PPP3CA: variants seen among roughly 807,000 people sequenced by gnomAD.
The protein encoded by PPP3CA is protein phosphatase 3 catalytic subunit alpha.
In PPP3CA, 14 loss-of-function variants were observed where a neutral mutation model predicts 66.5. The ratio of observed to expected loss-of-function variants is 0.21; its 90% confidence interval spans 0.14 to 0.33. PPP3CA has a LOEUF of 0.33. Ranked by LOEUF, PPP3CA falls within the 10% of genes least tolerant of loss-of-function variation. The probability of loss-of-function intolerance (pLI) is 1.00; values close to 1 mark genes in which losing one functional copy is unlikely to be tolerated. For missense variants in PPP3CA, 317 were observed against 639.5 expected (o/e 0.50, Z 5.44); for synonymous variants, 232 against 226.2 (o/e 1.03, Z -0.23).
chr4:101,054,032 C>A (rs1039615533), intron 10 of PPP3CA, among the ~76,000 whole-genome samples: 10 of 152,004 alleles, frequency 6.6e-5, no homozygotes, highest in African/African-American at 2.4e-4. Flanking sequence ...GACTTACTAA[C>A]TTTAGGTTAG....
chr4:101,269,473 G>C (rs1727265835), intron 1 of PPP3CA, among the ~76,000 whole-genome samples: 1 of 148,130 alleles, frequency 6.8e-6, no homozygotes. Flanking sequence ...ACCCATCCAT[G>C]AAAATGGGGA....
At chr4:101,324,186 A>G (rs1169288124) in intron 1 of PPP3CA, among the ~76,000 whole-genome samples, 3 of 138,028 alleles carry the variant, frequency 2.2e-5, no homozygotes, top group African/African-American at 8.0e-5. Flanking sequence ...GGAAGGAAGG[A>G]AGGAAGGAAG....
intron 1 of PPP3CA, among the ~76,000 whole-genome samples, chr4:101,253,219 C>G (rs187243668): frequency 9.4e-4 from 143 of 152,292 alleles, no homozygotes; most frequent in Non-Finnish European, 1.7e-3. Context: ...AATGGCACAG[C>G]TTCCCTGATC....
intron 2 of PPP3CA, among the ~76,000 whole-genome samples, chr4:101,116,519 T>C (rs1390355052): frequency 2.0e-5 from 3 of 151,822 alleles, no homozygotes; most frequent in Non-Finnish European, 4.4e-5. Context: ...ATACTACAAG[T>C]ATATATCTGC....
At chr4:101,326,692 GACAAC>G (rs1328071009) in intron 1 of PPP3CA, among the ~76,000 whole-genome samples, 6 of 152,232 alleles carry the variant, frequency 3.9e-5, no homozygotes, top group Admixed American at 2.6e-4. Context: ...TTTCTTGCAT[GACAAC>G]ACAAATCAAC....
chr4:101,138,886 T>C (rs1353662194), intron 2 of PPP3CA, among the ~76,000 whole-genome samples: 1 of 152,204 alleles, frequency 6.6e-6, no homozygotes, highest in East Asian at 1.9e-4. Flanking sequence ...AATAATTTTA[T>C]AATATGACAA....
chr4:101,067,837 AAT>A (rs962910590), intron 8 of PPP3CA, among the ~76,000 whole-genome samples: 2 of 150,126 alleles, frequency 1.3e-5, no homozygotes, highest in Non-Finnish European at 3.0e-5. Context: ...TAATAATAAT[AAT>A]AAAAAGCTTC....
chr4:101,330,883 C>T (rs1241310724), intron 1 of PPP3CA, among the ~76,000 whole-genome samples: 1 of 151,766 alleles, frequency 6.6e-6, no homozygotes, highest in Non-Finnish European at 1.5e-5. Context: ...TGTTTTGGAT[C>T]GTTTGTGTTA....
intron 2 of PPP3CA, among the ~76,000 whole-genome samples, chr4:101,139,834 G>A (rs1168873350): frequency 6.6e-6 from 1 of 151,770 alleles, no homozygotes; most frequent in African/African-American, 2.4e-5. Context: ...TTGGCTTGGG[G>A]TGTAAATCCA....
intron 1 of PPP3CA, among the ~76,000 whole-genome samples, chr4:101,333,108 T>C (rs1463013208): frequency 1.4e-5 from 2 of 145,348 alleles, no homozygotes; most frequent in Non-Finnish European, 3.0e-5. Flanking sequence ...TCTTTCTTTT[T>C]TTTTTTTTTT....
intron 1 of PPP3CA, among the ~76,000 whole-genome samples, chr4:101,245,747 C>T (rs919623260): frequency 6.6e-6 from 1 of 151,970 alleles, no homozygotes; most frequent in African/African-American, 2.4e-5. Context: ...ATACAGACGG[C>T]CCATCAGGTA....
chr4:101,179,098 T>C (rs914558697), intron 2 of PPP3CA, among the ~76,000 whole-genome samples: 1 of 152,100 alleles, frequency 6.6e-6, no homozygotes, highest in Non-Finnish European at 1.5e-5. Flanking sequence ...AATTTTCTTC[T>C]CTTTCTTGAA....
At chr4:101,231,090 C>T (rs968836905) in intron 1 of PPP3CA, among the ~76,000 whole-genome samples, 2 of 151,676 alleles carry the variant, frequency 1.3e-5, no homozygotes, top group Admixed American at 6.6e-5. Context: ...CAACTACCTC[C>T]TTCAGAATGC....
At chr4:101,115,821 A>G (rs1293930489) in intron 2 of PPP3CA, among the ~76,000 whole-genome samples, 3 of 152,006 alleles carry the variant, frequency 2.0e-5, no homozygotes, top group Non-Finnish European at 4.4e-5. Flanking sequence ...TCCGTTAAAG[A>G]ACATCATTGG....
At position 101,162,755 on chromosome 4, in the gene PPP3CA, A is replaced by G. The variant is rs537439414; in HGVS notation, c.259+33161T>C. ...GTTTAAAGTATCTTGCCCTGGGTTT[A>G]AAAGTTTTCACCAGCAAATTTGACT... On this transcript the variant is annotated intron_variant, in intron 2 of 13. Transcript: ENST00000394854. Among the ~76,000 whole-genome samples, 27 of 152,242 alleles carry G rather than the reference A, an allele frequency of 1.8e-4. No individual in the cohort carries two copies. In the East Asian group the frequency reaches 3.7e-3, roughly 21 times the overall value.
intron 2 of PPP3CA, among the ~76,000 whole-genome samples, chr4:101,183,081 T>C (rs1724294648): frequency 2.0e-5 from 3 of 152,112 alleles, no homozygotes; most frequent in African/African-American, 7.2e-5. Context: ...TGAAAAAATT[T>C]ATTAAAAAGA....
chr4:101,227,044 T>C (rs1395345476), intron 1 of PPP3CA, among the ~76,000 whole-genome samples: 1 of 151,758 alleles, frequency 6.6e-6, no homozygotes, highest in Non-Finnish European at 1.5e-5. Context: ...ATAAAACAAA[T>C]GTGGCTCTAT....
At chr4:101,259,837 T>C (rs183142415) in intron 1 of PPP3CA, among the ~76,000 whole-genome samples, 1 of 152,188 alleles carries the variant, frequency 6.6e-6, no homozygotes, top group Non-Finnish European at 1.5e-5. Context: ...TACACTGGTA[T>C]ATTGTGAATA....
intron 2 of PPP3CA, among the ~76,000 whole-genome samples, chr4:101,153,329 A>C (rs1357315284): frequency 6.6e-6 from 1 of 152,240 alleles, no homozygotes; most frequent in Non-Finnish European, 1.5e-5. Context: ...CCAAATAAAC[A>C]TCCCTTAACA....
Sources: allele counts gnomAD v4.1 joint callset (sites outside exome capture counted in the v4.1 genomes callset), GRCh38; gene constraint gnomAD v4.1.1; transcripts MANE v1.5; gene names NCBI Gene and HGNC (gene_info 2026-07-23, HGNC 2026-07-21).